Variants in GPR158 observed in about 807,000 individuals in gnomAD.
GPR158 encodes the protein G protein-coupled receptor 158.
A neutral mutation model predicts 78.2 loss-of-function variants in GPR158; 30 were observed. The ratio of observed to expected loss-of-function variants is 0.38; its 90% CI spans 0.29 to 0.52. The LOEUF (loss-of-function observed/expected upper bound fraction) is 0.52, where lower values mean the gene tolerates loss of function less well. GPR158 is among the 20% of genes least tolerant of loss of function. The probability of loss-of-function intolerance (pLI) is 0.83; values close to 1 mark genes in which losing one functional copy is unlikely to be tolerated. For synonymous variants in GPR158, 581 were observed against 591.1 expected (o/e 0.98, Z 0.25); for missense variants, 1,463 against 1,523.5 (o/e 0.96, Z 0.66).
intron 4 of GPR158, among the ~76,000 whole-genome samples, chr10:25,432,805 C>T (rs893883060): frequency 6.6e-6 from 1 of 152,146 alleles, no homozygotes; most frequent in African/African-American, 2.4e-5. Context: ...TGCTGAACAT[C>T]TCCTCATTGC....
At chr10:25,341,526 A>G (rs886311828) in intron 2 of GPR158, among the ~76,000 whole-genome samples, 3 of 151,958 alleles carry the variant, frequency 2.0e-5, no homozygotes, top group Non-Finnish European at 4.4e-5. Context: ...TAAATAATGG[A>G]TCCAAAAAAG....
chr10:25,355,588 G>T (rs1204251657), intron 2 of GPR158, among the ~76,000 whole-genome samples: 1 of 152,050 alleles, frequency 6.6e-6, no homozygotes, highest in Non-Finnish European at 1.5e-5. Flanking sequence ...GTACGTCTGT[G>T]ACTTTGCACT....
intron 5 of GPR158, among the ~76,000 whole-genome samples, chr10:25,546,403 GTTTCA>G: frequency 6.6e-6 from 1 of 152,028 alleles, no homozygotes; most frequent in Non-Finnish European, 1.5e-5. Context: ...TCTTTTTGCT[GTTTCA>G]TTTCAAGTAC....
intron 3 of GPR158, among the ~76,000 whole-genome samples, chr10:25,407,868 A>C (rs1834535193): frequency 6.6e-6 from 1 of 152,150 alleles, no homozygotes; most frequent in Admixed American, 6.6e-5. Context: ...TATACAACCA[A>C]AGCAATCCTT....
At chr10:25,529,787 A>G (rs1263522982) in intron 5 of GPR158, among the ~76,000 whole-genome samples, 1 of 152,162 alleles carries the variant, frequency 6.6e-6, no homozygotes, top group Non-Finnish European at 1.5e-5. Flanking sequence ...CACTGGGACC[A>G]TGGCCTGATC....
At chr10:25,493,465 C>T (rs1206350804) in intron 5 of GPR158, among the ~76,000 whole-genome samples, 3 of 152,050 alleles carry the variant, frequency 2.0e-5, no homozygotes, top group Non-Finnish European at 4.4e-5. Flanking sequence ...TGACTGAATC[C>T]ATTCTGAAGG....
chr10:25,477,681 A>C (rs1230491677), intron 5 of GPR158, among the ~76,000 whole-genome samples: 1 of 152,160 alleles, frequency 6.6e-6, no homozygotes, highest in Non-Finnish European at 1.5e-5. Flanking sequence ...AGAAAAAAAA[A>C]CGAAATTGGA....
At chr10:25,289,018 A>T (rs1854394774) in intron 2 of GPR158, among the ~76,000 whole-genome samples, 1 of 152,238 alleles carries the variant, frequency 6.6e-6, no homozygotes, top group Non-Finnish European at 1.5e-5. Context: ...GAGGGACAGA[A>T]GTCAGAAAAC....
At chr10:25,240,893 A>T (rs551866916) in intron 2 of GPR158, among the ~76,000 whole-genome samples, 1 of 152,188 alleles carries the variant, frequency 6.6e-6, no homozygotes, top group East Asian at 1.9e-4. Context: ...ATTTGGACCA[A>T]CTTTCTTAAT....
intron 2 of GPR158, among the ~76,000 whole-genome samples, chr10:25,383,125 G>A (rs558343928): frequency 5.9e-5 from 9 of 152,268 alleles, no homozygotes; most frequent in South Asian, 4.2e-4. Context: ...ATGAGCCGCC[G>A]CTCCCGGCCC....
chr10:25,569,913 A>G (rs1436230352), intron 6 of GPR158, among the ~76,000 whole-genome samples: 3 of 152,234 alleles, frequency 2.0e-5, no homozygotes, highest in African/African-American at 7.2e-5. Context: ...TGCCTAACAT[A>G]TGGCTGTCAC....
chr10:25,377,395 A>G (rs1456845301), intron 2 of GPR158, among the ~76,000 whole-genome samples: 1 of 152,032 alleles, frequency 6.6e-6, no homozygotes. Flanking sequence ...AATGTAATTC[A>G]CATACTATAA....
At chr10:25,547,448 A>G (rs1230573920) in intron 5 of GPR158, among the ~76,000 whole-genome samples, 20 of 152,098 alleles carry the variant, frequency 1.3e-4, no homozygotes, top group Non-Finnish European at 1.5e-5. Context: ...ACTTTCCCAC[A>G]ATATGCTTTT....
At chr10:25,541,721 A>T (rs1209879467) in intron 5 of GPR158, among the ~76,000 whole-genome samples, 4 of 151,764 alleles carry the variant, frequency 2.6e-5, no homozygotes, top group Admixed American at 6.6e-5. Flanking sequence ...CCAGCCTCCT[A>T]CTTCAAACAA....
intron 2 of GPR158, among the ~76,000 whole-genome samples, chr10:25,270,831 A>G (rs558652251): frequency 6.6e-5 from 10 of 152,266 alleles, no homozygotes; most frequent in African/African-American, 2.2e-4. Context: ...GGATCTCTTT[A>G]CATCCATTAT....
rs141674402 is a variant in GPR158 at position 25,595,795 on chromosome 10, T to C, written c.1999-848T>C. The stretch of plus-strand genomic sequence containing the variant: ...TTTTGAGATGAATATTCCAAAACTA[T>C]TCTGGAATTAAATAGTGATGATGGT... On this transcript the variant is annotated intron_variant, in intron 9 of 10. Transcript: ENST00000376351. Among the ~76,000 whole-genome samples the C allele has an allele frequency of 6.2e-3, 940 of 152,336 alleles. 4 individuals are homozygous for C. Among genetic ancestry groups the C allele is most frequent in the African/African-American group, 0.021 (863 of 41,576 alleles).
chr10:25,417,778 C>T (rs1391045734), intron 4 of GPR158, among the ~76,000 whole-genome samples: 1 of 152,162 alleles, frequency 6.6e-6, no homozygotes, highest in Non-Finnish European at 1.5e-5. Context: ...TGCCAGAAGA[C>T]ACCCTGAGGG....
chr10:25,308,832 A>G (rs1189971043), intron 2 of GPR158, among the ~76,000 whole-genome samples: 1 of 152,144 alleles, frequency 6.6e-6, no homozygotes, highest in Non-Finnish European at 1.5e-5. Context: ...GGCTTATTTC[A>G]GTTAGCACAA....
rs145483051 is a variant in GPR158, at chr10:25,242,233, T to C, written c.1008+21076T>C. Among the ~76,000 whole-genome samples, 216 of 152,312 alleles carry C rather than the reference T, an allele frequency of 1.4e-3. 1 individual carries two copies. The highest frequency in any genetic ancestry group is 5.1e-3 in the African/African-American group (212 of 41,572). ...ACATTGGCAGTAGACCTGGTGAATC[T>C]TCATTTCATTAAACAGTATCAGAAG... On this transcript the variant is annotated intron_variant, in intron 2 of 10. Transcript: ENST00000376351.
Sources: allele counts gnomAD v4.1 joint callset (sites outside exome capture counted in the v4.1 genomes callset), GRCh38; gene constraint gnomAD v4.1.1; transcripts MANE v1.5; gene names NCBI Gene and HGNC (gene_info 2026-07-23, HGNC 2026-07-21).